USH2A: variants seen among roughly 807,000 people sequenced by gnomAD.
The protein encoded by USH2A is usherin.
In USH2A, 443 loss-of-function variants were observed where a neutral mutation model predicts 538.9. The observed-to-expected ratio is 0.82, with a 90% CI of 0.76 to 0.89. The LOEUF (loss-of-function observed/expected upper bound fraction) is 0.89, where lower values mean the gene tolerates loss of function less well. Among genes scored for constraint, USH2A ranks in the 40% least tolerant of loss-of-function variants. The pLI, the probability that USH2A is intolerant of heterozygous loss-of-function variation, is 0.00. For synonymous variants in USH2A, 2,413 were observed against 2,273.5 expected (o/e 1.06, Z -1.75); for missense variants, 6,633 against 6,324.8 (o/e 1.05, Z -1.65).
At chr1:216,130,937 T>C (rs139186447) in intron 21 of USH2A, among the ~76,000 whole-genome samples, 400 of 152,052 alleles carry the variant, frequency 2.6e-3, no homozygotes, top group African/African-American at 9.2e-3. Flanking sequence ...GGTGAAGAAA[T>C]GCTCCCTGTT....
At chr1:215,934,468 AAAC>A (rs1336956635) in intron 38 of USH2A, 145 bp downstream of exon 38, 34 of 860,650 alleles carry the variant, frequency 4.0e-5, no homozygotes, top group Non-Finnish European at 5.7e-5. Flanking sequence ...AAACAAAGCA[AAAC>A]AACAACTATT....
chr1:215,666,919 A>G (rs1026540502), intron 64 of USH2A, among the ~76,000 whole-genome samples: 1 of 151,932 alleles, frequency 6.6e-6, no homozygotes, highest in Non-Finnish European at 1.5e-5. Flanking sequence ...GTGAAACCCC[A>G]TCTCTACTAA....
At chr1:216,181,332 C>T (rs1558302219) in intron 20 of USH2A, among the ~76,000 whole-genome samples, 1 of 152,078 alleles carries the variant, frequency 6.6e-6, no homozygotes, top group Non-Finnish European at 1.5e-5. Context: ...CTTCTAAGTT[C>T]ATAAGCCACG....
At chr1:215,637,342 G>T (rs950391640) in intron 69 of USH2A, among the ~76,000 whole-genome samples, 4 of 152,180 alleles carry the variant, frequency 2.6e-5, no homozygotes, top group African/African-American at 9.7e-5. Context: ...CTGAATCTCT[G>T]CCAGAGGCCC....
intron 15 of USH2A, 118 bp from the exon 16 acceptor site, chr1:216,207,549 CAT>C: frequency 7.9e-7 from 1 of 1,263,928 alleles, no homozygotes; most frequent in Non-Finnish European, 1.1e-6. Flanking sequence ...ATCAAGAAGA[CAT>C]GTGGTTTACC....
chr1:215,748,337 T>C (rs2820724), intron 58 of USH2A, among the ~76,000 whole-genome samples: 22,655 of 152,106 alleles, frequency 0.15, 1,851 homozygotes, highest in Non-Finnish European at 0.17. Context: ...ATCTTCCTAA[T>C]ATCATGAAAT....
At chr1:215,627,451 TC>T (rs1656089614) in intron 71 of USH2A, among the ~76,000 whole-genome samples, 1 of 137,366 alleles carries the variant, frequency 7.3e-6, no homozygotes, top group African/African-American at 2.6e-5. Context: ...CTTCCTTCCT[TC>T]CTTCCTTCCT....
chr1:215,857,387 C>A (rs1278847685), intron 44 of USH2A, among the ~76,000 whole-genome samples: 1 of 152,040 alleles, frequency 6.6e-6, no homozygotes, highest in Non-Finnish European at 1.5e-5. Flanking sequence ...AAAAGGAGAG[C>A]TTTACTTCTC....
intron 25 of USH2A, 91 bp downstream of exon 25, chr1:216,084,607 A>C (rs756669166): frequency 2.4e-5 from 33 of 1,392,096 alleles, no homozygotes; most frequent in African/African-American, 2.9e-5. Flanking sequence ...GGTTCATATG[A>C]GGTCAAGTTA....
chr1:215,647,684 G>T lies in USH2A; in HGVS notation c.14629C>A (p.Pro4877Thr). ...GTTTCTATTTGGCTGGGAGTACAGG[G>T]GAGGGCTGAGTCAGGAGGGCAAGCC... ...HVACPPDSAL[P>T]CTPSQIETKY... Residue 4877 changes from proline to threonine, a missense_variant, in exon 67 of 72, where the codon CCC (proline) becomes ACC (threonine). Pro to Thr is a conservative substitution (Grantham distance 38). Transcript: ENST00000307340. The T allele has an allele frequency of 3.7e-6, 6 of 1,614,188 alleles. No individual in the cohort carries two copies. Among genetic ancestry groups the T allele is most frequent in the Non-Finnish European group, 5.1e-6 (6 of 1,180,046 alleles).
intron 38 of USH2A, among the ~76,000 whole-genome samples, chr1:215,908,031 G>C (rs1665683247): frequency 6.6e-6 from 1 of 151,960 alleles, no homozygotes; most frequent in South Asian, 2.1e-4. Flanking sequence ...TAATTGCTTG[G>C]AGGTATTATC....
chr1:215,710,090 C>T (rs1262935323), intron 61 of USH2A, among the ~76,000 whole-genome samples: 1 of 152,130 alleles, frequency 6.6e-6, no homozygotes, highest in African/African-American at 2.4e-5. Context: ...GCTATGGGTA[C>T]ATAGGGAACT....
chr1:215,676,793 C>A (rs1018647169), intron 62 of USH2A, among the ~76,000 whole-genome samples: 1 of 152,136 alleles, frequency 6.6e-6, no homozygotes, highest in Non-Finnish European at 1.5e-5. Context: ...CCCAAGCACC[C>A]CTTGCTGCCC....
intron 37 of USH2A, among the ~76,000 whole-genome samples, chr1:215,949,539 A>G (rs1397498790): frequency 2.0e-5 from 3 of 152,078 alleles, no homozygotes; most frequent in Non-Finnish European, 4.4e-5. Context: ...TTTTCTAAAT[A>G]ATTAAGATGT....
intron 67 of USH2A, among the ~76,000 whole-genome samples, chr1:215,645,376 T>C (rs772303317): frequency 1.3e-5 from 2 of 152,112 alleles, no homozygotes; most frequent in Non-Finnish European, 2.9e-5. Flanking sequence ...ACTGGCCAGG[T>C]TACTTAAGCT....
chr1:215,931,086 G>A (rs140181801), intron 38 of USH2A, among the ~76,000 whole-genome samples: 1 of 152,010 alleles, frequency 6.6e-6, no homozygotes, highest in East Asian at 1.9e-4. Flanking sequence ...AAAAAACAGA[G>A]ACGCCCCTCC....
At chr1:216,144,477 T>C (rs965260038) in intron 21 of USH2A, among the ~76,000 whole-genome samples, 1 of 152,140 alleles carries the variant, frequency 6.6e-6, no homozygotes, top group African/African-American at 2.4e-5. Context: ...AATGCATATA[T>C]TATTAAAATA....
chr1:216,308,751 T>C (rs1437954850), intron 9 of USH2A, among the ~76,000 whole-genome samples: 1 of 152,212 alleles, frequency 6.6e-6, no homozygotes, highest in Non-Finnish European at 1.5e-5. Flanking sequence ...ATGAGATGCA[T>C]GTAAACTTAG....
intron 3 of USH2A, among the ~76,000 whole-genome samples, chr1:216,381,412 C>G (rs2038920618): frequency 2.6e-5 from 4 of 152,052 alleles, no homozygotes; most frequent in Admixed American, 2.6e-4. Context: ...CAATCGTGAG[C>G]ATAGTGTTTA....
Sources: allele counts gnomAD v4.1 joint callset (sites outside exome capture counted in the v4.1 genomes callset), GRCh38; gene constraint gnomAD v4.1.1; transcripts MANE v1.5; gene names NCBI Gene and HGNC (gene_info 2026-07-23, HGNC 2026-07-21).